The following CHODL variants were observed in gnomAD, a reference collection of about 807,000 sequenced individuals.
CHODL encodes chondrolectin, also known as transmembrane protein MT75.
Under a neutral mutation model 34.5 loss-of-function variants are expected in CHODL, and 29 were observed. The observed-to-expected ratio is 0.84, with a 90% CI of 0.63 to 1.15. The LOEUF (loss-of-function observed/expected upper bound fraction) is 1.15. Among genes scored for constraint, CHODL ranks in the 50% most tolerant of loss-of-function variants. CHODL has a pLI of 0.00. For synonymous variants in CHODL, 125 were observed against 116.1 expected (o/e 1.08, Z -0.49); for missense variants, 332 against 332.5 (o/e 1.00, Z 0.01).
chr21:18,194,389 C>G (rs2073556261), intron 2 of CHODL, among the ~76,000 whole-genome samples: 1 of 152,114 alleles, frequency 6.6e-6, no homozygotes, highest in Non-Finnish European at 1.5e-5. Context: ...GCCCCCTTGC[C>G]CTTTCTGTTC....
intron 2 of CHODL, among the ~76,000 whole-genome samples, chr21:18,197,754 CA>C (rs1162795756): frequency 1.3e-5 from 2 of 152,016 alleles, no homozygotes; most frequent in Non-Finnish European, 2.9e-5. Context: ...TTTTGAATTC[CA>C]AAACTGGGGT....
At chr21:18,025,195 T>C (rs955848121) in intron 1 of CHODL, among the ~76,000 whole-genome samples, 2 of 152,176 alleles carry the variant, frequency 1.3e-5, no homozygotes, top group South Asian at 2.1e-4. Flanking sequence ...AAGTAGACAT[T>C]TATGTTTCTT....
chr21:18,060,611 A>G (rs1388550898), intron 2 of CHODL, among the ~76,000 whole-genome samples: 1 of 148,776 alleles, frequency 6.7e-6, no homozygotes, highest in East Asian at 1.9e-4. Context: ...CATCATAAAT[A>G]GGAATATACA....
At chr21:17,949,148 A>G (rs28498850) in intron 1 of CHODL, among the ~76,000 whole-genome samples, 10,815 of 152,210 alleles carry the variant, frequency 0.071, 1,056 homozygotes, top group African/African-American at 0.22. Context: ...GAAGCTGCTC[A>G]ACAGCTACCC....
intron 1 of CHODL, among the ~76,000 whole-genome samples, chr21:18,011,233 T>G (rs1055708078): frequency 1.3e-5 from 2 of 152,050 alleles, no homozygotes; most frequent in African/African-American, 4.8e-5. Flanking sequence ...AATATCAGAG[T>G]TTTTGGCTAA....
intron 1 of CHODL, among the ~76,000 whole-genome samples, chr21:17,962,717 C>A (rs1406513867): frequency 6.6e-6 from 1 of 152,078 alleles, no homozygotes; most frequent in Non-Finnish European, 1.5e-5. Flanking sequence ...AAATAAATTA[C>A]ATTATCAAAA....
intron 1 of CHODL, among the ~76,000 whole-genome samples, chr21:17,948,051 CAG>C (rs1188588000): frequency 2.0e-5 from 3 of 152,080 alleles, no homozygotes; most frequent in South Asian, 2.1e-4. Flanking sequence ...AACTGAGAAA[CAG>C]AAAGTCAAAT....
In CHODL at chr21:17,937,764, CT is replaced by C. The variant is rs60475199; in HGVS notation, c.-145+20368del. ...CACTTTGATAGGCTTTTTCAAATAA[CT>C]TTTATTGGTGAAAAAGTTATCTATA... On this transcript the variant is annotated intron_variant, in intron 1 of 6. Coordinates refer to the CHODL transcript ENST00000400127. Among the ~76,000 whole-genome samples the C allele has an allele frequency of 4.5e-3, 686 of 152,122 alleles. 4 individuals are homozygous for C. Among genetic ancestry groups the C allele is most frequent in the African/African-American group, 0.016 (664 of 41,500 alleles).
At chr21:18,165,503 T>G (rs1242223197) in intron 2 of CHODL, among the ~76,000 whole-genome samples, 2 of 152,208 alleles carry the variant, frequency 1.3e-5, no homozygotes, top group Non-Finnish European at 2.9e-5. Flanking sequence ...AATCTGCAAT[T>G]TGAGCAGCAG....
At chr21:17,991,688 G>T (rs978829605) in intron 1 of CHODL, among the ~76,000 whole-genome samples, 2 of 148,902 alleles carry the variant, frequency 1.3e-5, no homozygotes, top group Admixed American at 1.3e-4. Flanking sequence ...GTGTGGGGAG[G>T]TGTTGAGTTG....
intron 1 of CHODL, among the ~76,000 whole-genome samples, chr21:17,937,989 A>G (rs1283901343): frequency 6.6e-6 from 1 of 152,218 alleles, no homozygotes; most frequent in East Asian, 1.9e-4. Context: ...CTTGTGTTAC[A>G]ATGGCTTCTG....
chr21:18,259,967 A>G (rs975683938), intron 3 of CHODL, among the ~76,000 whole-genome samples: 3 of 152,152 alleles, frequency 2.0e-5, no homozygotes, highest in African/African-American at 7.2e-5. Flanking sequence ...TGCAATTTGG[A>G]GTTTTAAGGG....
intron 2 of CHODL, among the ~76,000 whole-genome samples, chr21:18,055,068 C>G (rs1255881906): frequency 6.6e-6 from 1 of 151,898 alleles, no homozygotes; most frequent in East Asian, 1.9e-4. Context: ...AAAATCTATC[C>G]TTTTTATAAC....
intron 1 of CHODL, among the ~76,000 whole-genome samples, chr21:17,964,927 G>C (rs1246922413): frequency 6.6e-6 from 1 of 152,070 alleles, no homozygotes; most frequent in African/African-American, 2.4e-5. Flanking sequence ...ACTTTCCTTT[G>C]TTGCATATAG....
At chr21:18,131,591 A>G (rs1372851001) in intron 2 of CHODL, among the ~76,000 whole-genome samples, 2 of 152,092 alleles carry the variant, frequency 1.3e-5, no homozygotes, top group Non-Finnish European at 2.9e-5. Context: ...GCAATATTTG[A>G]TCTTCCCATT....
rs150151619 is a variant in CHODL at position 17,927,914 on chromosome 21, C to T, written c.-145+10514C>T. 3.3e-5 allele frequency among the ~76,000 whole-genome samples: 5 copies of T among 152,282 alleles called. No homozygotes were observed. The East Asian group carries it at 9.6e-4, about 29-fold the overall frequency. On this transcript the variant is annotated intron_variant, in intron 1 of 6. Coordinates refer to the CHODL transcript ENST00000400127. ...CTACGCAACACACAGAATAAAAATC[C>T]TCTTCCTTTTTGTGAGGTTAACTAA... is the stretch of plus-strand genomic sequence containing the variant.
chr21:18,003,495 A>T (rs549097092), intron 1 of CHODL, among the ~76,000 whole-genome samples: 1 of 152,054 alleles, frequency 6.6e-6, no homozygotes, highest in South Asian at 2.1e-4. Context: ...CAGACTGTTA[A>T]GCACTTCACA....
chr21:18,019,065 A>G (rs2062833975), intron 1 of CHODL, among the ~76,000 whole-genome samples: 1 of 152,262 alleles, frequency 6.6e-6, no homozygotes, highest in Admixed American at 6.5e-5. Context: ...TGTAAACAAT[A>G]AAGATAAAAA....
chr21:17,985,756 G>A (rs1438869719), intron 1 of CHODL, among the ~76,000 whole-genome samples: 1 of 152,116 alleles, frequency 6.6e-6, no homozygotes, highest in African/African-American at 2.4e-5. Context: ...AATAGCTCTT[G>A]GGGAAATAAC....
Sources: gnomAD v4.1 joint callset for allele counts (sites outside exome capture counted in the v4.1 genomes callset) on GRCh38, gnomAD v4.1.1 for gene constraint, MANE v1.5 for transcripts, NCBI Gene and HGNC (gene_info 2026-07-23, HGNC 2026-07-21) for gene names.